Variants in ST6GALNAC3 observed in about 807,000 individuals in gnomAD.
ST6GALNAC3 encodes alpha-N-acetylgalactosaminide alpha-2,6-sialyltransferase 3.
In ST6GALNAC3, 25 loss-of-function variants were observed where a neutral mutation model predicts 32.7. That is an observed-to-expected ratio of 0.76 (90% CI 0.56 to 1.07). The LOEUF (loss-of-function observed/expected upper bound fraction) is 1.07, where lower values mean the gene tolerates loss of function less well. Among genes scored for constraint, ST6GALNAC3 ranks in the 50% least tolerant of loss-of-function variants. The probability of loss-of-function intolerance (pLI) is 0.00; values close to 1 mark genes in which losing one functional copy is unlikely to be tolerated. For synonymous variants in ST6GALNAC3, 129 were observed against 133.1 expected, an observed-to-expected ratio of 0.97 and a Z score of 0.21; for missense variants, 355 against 382.4, an observed-to-expected ratio of 0.93 and a Z score of 0.60.
intron 3 of ST6GALNAC3, among the ~76,000 whole-genome samples, chr1:76,427,333 G>A (rs1229879932): frequency 6.6e-6 from 1 of 151,938 alleles, no homozygotes; most frequent in African/African-American, 2.4e-5. Flanking sequence ...GTGCTCTGGG[G>A]ACCATCTGCT....
intron 1 of ST6GALNAC3, among the ~76,000 whole-genome samples, chr1:76,239,217 G>A: frequency 6.6e-6 from 1 of 152,014 alleles, no homozygotes; most frequent in East Asian, 1.9e-4. Context: ...AGATAGAAGG[G>A]TGATGCTCTT....
chr1:76,544,641 G>A (rs183216119), intron 3 of ST6GALNAC3, among the ~76,000 whole-genome samples: 1 of 152,150 alleles, frequency 6.6e-6, no homozygotes, highest in Non-Finnish European at 1.5e-5. Context: ...GGGGAGGAAG[G>A]GGGAATCAGA....
intron 1 of ST6GALNAC3, among the ~76,000 whole-genome samples, chr1:76,112,687 C>T (rs1648126582): frequency 6.6e-6 from 1 of 151,352 alleles, no homozygotes; most frequent in Admixed American, 6.5e-5. Context: ...CAGAGGGTCT[C>T]CTCACTTCTC....
At position 76,484,788 on chromosome 1, in the gene ST6GALNAC3, C is replaced by G. The variant is rs893760023; in HGVS notation, c.623+72371C>G. Among the ~76,000 whole-genome samples the G allele has an allele frequency of 1.4e-4, 21 of 152,264 alleles. 1 individual carries two copies. Among genetic ancestry groups the G allele is most frequent in the Admixed American group, 1.3e-3 (20 of 15,296 alleles). On this transcript the variant is annotated intron_variant, in intron 3 of 4. Transcript: ENST00000328299. ...AATAGGAGTGGTGAGAGACGCATCC[C>G]TGTCTTGTGCCAGTTTTCAAAGGGA...
intron 2 of ST6GALNAC3, among the ~76,000 whole-genome samples, chr1:76,340,369 G>C (rs1647857810): frequency 6.6e-6 from 1 of 152,238 alleles, no homozygotes; most frequent in African/African-American, 2.4e-5. Context: ...AAACCTTCAA[G>C]GGGCAGGGAC....
At chr1:76,204,083 T>C (rs1368968968) in intron 1 of ST6GALNAC3, among the ~76,000 whole-genome samples, 1 of 152,194 alleles carries the variant, frequency 6.6e-6, no homozygotes, top group African/African-American at 2.4e-5. Context: ...TAACCACCAA[T>C]CTGCTCTCTA....
chr1:76,252,642 C>T (rs75707900), intron 1 of ST6GALNAC3, among the ~76,000 whole-genome samples: 43 of 152,078 alleles, frequency 2.8e-4, no homozygotes, highest in African/African-American at 9.2e-4. Context: ...AGCCAATGAA[C>T]GGCAGTTGTA....
chr1:76,371,691 C>T (rs1650832911), intron 2 of ST6GALNAC3, among the ~76,000 whole-genome samples: 1 of 152,114 alleles, frequency 6.6e-6, no homozygotes, highest in Non-Finnish European at 1.5e-5. Flanking sequence ...TTTTGAATGA[C>T]AATATTTTAT....
In ST6GALNAC3 at chr1:76,465,126, T is replaced by C. The variant is rs138007413; in HGVS notation, c.623+52709T>C. On this transcript the variant is annotated intron_variant, in intron 3 of 4. Coordinates refer to ENST00000328299, the MANE Select transcript of ST6GALNAC3 (RefSeq NM_152996.4). ...GGAGGAAGAATAAATGAACAGCATA[T>C]GAGCAAAGGACCTGGGGAACCCCCA... 4.9e-3 allele frequency among the ~76,000 whole-genome samples: 752 copies of C among 152,274 alleles called. 9 individuals are homozygous for C. Among genetic ancestry groups the C allele is most frequent in the African/African-American group, 0.017 (692 of 41,562 alleles).
At chr1:76,216,070 G>T (rs1197799938) in intron 1 of ST6GALNAC3, among the ~76,000 whole-genome samples, 1 of 152,090 alleles carries the variant, frequency 6.6e-6, no homozygotes, top group African/African-American at 2.4e-5. Flanking sequence ...TGGCCACACT[G>T]GTCTCATAGA....
At chr1:76,413,815 TG>T (rs1011579817) in intron 3 of ST6GALNAC3, among the ~76,000 whole-genome samples, 7 of 152,154 alleles carry the variant, frequency 4.6e-5, no homozygotes, top group Non-Finnish European at 1.0e-4. Context: ...AATGGTCATA[TG>T]TCACATTATT....
chr1:76,346,377 C>A (rs17672913), intron 2 of ST6GALNAC3, among the ~76,000 whole-genome samples: 1 of 152,040 alleles, frequency 6.6e-6, no homozygotes, highest in African/African-American at 2.4e-5. Context: ...GATTCCCCAA[C>A]GGCTTTCCAC....
At chr1:76,266,711 C>G (rs144425021) in intron 1 of ST6GALNAC3, among the ~76,000 whole-genome samples, 311 of 152,308 alleles carry the variant, frequency 2.0e-3, no homozygotes, top group African/African-American at 7.4e-3. Context: ...TAAGCTTCCA[C>G]TTGCCACCCT....
chr1:76,374,925 C>A (rs1651104315), intron 2 of ST6GALNAC3, among the ~76,000 whole-genome samples: 1 of 152,060 alleles, frequency 6.6e-6, no homozygotes, highest in Non-Finnish European at 1.5e-5. Context: ...TGGTTTTCTG[C>A]AATGGGCATT....
At chr1:76,500,966 A>G (rs767921108) in intron 3 of ST6GALNAC3, among the ~76,000 whole-genome samples, 85 of 152,234 alleles carry the variant, frequency 5.6e-4, no homozygotes, top group Non-Finnish European at 2.5e-4. Context: ...ATATGTAACT[A>G]CATATTCATA....
chr1:76,205,828 G>A (rs1379244008), intron 1 of ST6GALNAC3, among the ~76,000 whole-genome samples: 2 of 90,722 alleles, frequency 2.2e-5, no homozygotes, highest in Non-Finnish European at 4.7e-5. Flanking sequence ...GACAGATTAA[G>A]CACTAGGGAT....
At chr1:76,406,666 T>G (rs1653856579) in intron 2 of ST6GALNAC3, among the ~76,000 whole-genome samples, 1 of 152,036 alleles carries the variant, frequency 6.6e-6, no homozygotes, top group African/African-American at 2.4e-5. Context: ...TTAAATATAA[T>G]AGTGAGCAAG....
intron 3 of ST6GALNAC3, among the ~76,000 whole-genome samples, chr1:76,561,753 G>A (rs1172711539): frequency 6.6e-6 from 1 of 152,132 alleles, no homozygotes; most frequent in Non-Finnish European, 1.5e-5. Flanking sequence ...ACATGATTCA[G>A]TAATTTCACT....
chr1:76,111,370 C>T (rs1647921415), intron 1 of ST6GALNAC3, among the ~76,000 whole-genome samples: 1 of 152,132 alleles, frequency 6.6e-6, no homozygotes. Flanking sequence ...GTTTGGAGGT[C>T]TCTAGCCAAT....
Sources: allele counts gnomAD v4.1 joint callset (sites outside exome capture counted in the v4.1 genomes callset), GRCh38; gene constraint gnomAD v4.1.1; transcripts MANE v1.5; gene names NCBI Gene and HGNC (gene_info 2026-07-23, HGNC 2026-07-21).